Variants in FRMD6 observed in about 807,000 individuals in gnomAD.
The protein encoded by FRMD6 is FERM domain-containing protein 6.
FRMD6 carries 37 observed loss-of-function variants against 73.2 expected under a neutral mutation model. That is an observed-to-expected ratio of 0.51 (90% CI 0.39 to 0.66). The LOEUF (loss-of-function observed/expected upper bound fraction) is 0.66. FRMD6 is among the 30% of genes least tolerant of loss of function. The pLI, the probability that FRMD6 is intolerant of heterozygous loss-of-function variation, is 0.00. For synonymous variants in FRMD6, 273 were observed against 282.2 expected (o/e 0.97, Z 0.33); for missense variants, 714 against 780.5 (o/e 0.91, Z 1.02).
In FRMD6 at chr14:51,715,349, G is replaced by A; in HGVS notation, c.874G>A (p.Asp292Asn). ...GGGTAAGAAATTTGAGATTTTGCCAGATGGCTTGCCTTCTGCCCGGAAGCT... is the reference window on the plus strand; with the variant it reads ...GGGTAAGAAATTTGAGATTTTGCCAAATGGCTTGCCTTCTGCCCGGAAGCT... ...FVGKKFEILP[D>N]GLPSARKLIY... The change falls in exon 10 of 14, where the codon GAT becomes AAT. Residue 292 changes from aspartate to asparagine, a missense_variant. Physicochemically the swap from Asp to Asn is conservative, Grantham distance 23. Transcript: ENST00000344768. 4 of 1,573,700 alleles carry A rather than the reference G, an allele frequency of 2.5e-6. No individual in the cohort carries two copies. Among genetic ancestry groups the A allele is most frequent in the African/African-American group, 1.4e-5 (1 of 73,562 alleles).
chr14:51,546,477 A>G (rs1029552039), intron 1 of FRMD6, among the ~76,000 whole-genome samples: 1 of 146,022 alleles, frequency 6.8e-6, no homozygotes, highest in African/African-American at 2.5e-5. Flanking sequence ...CACACATCTG[A>G]TGCCAGTTTG....
chr14:51,729,606 A>G lies in FRMD6; in HGVS notation c.*1577A>G, dbSNP rs1410707322. The stretch of plus-strand genomic sequence containing the variant: ...CCCAGTTTTATTAAAAAAACTATAT[A>G]TTATTTTCTAAAGAAACAATCATAT... On this transcript the variant is annotated 3_prime_UTR_variant, in exon 14 of 14. Coordinates refer to ENST00000344768, the MANE Select transcript of FRMD6 (RefSeq NM_001267046.2). 1 of 152,620 alleles carries G rather than the reference A, an allele frequency of 6.6e-6. No homozygotes were observed. The highest frequency in any genetic ancestry group is 6.5e-5 in the Admixed American group (1 of 15,278). 9.5% of individuals were successfully genotyped at this position (152,620 alleles called of 1,614,324 possible).
At chr14:51,412,623 G>A in the FRMD6 span, among the ~76,000 whole-genome samples, 24 of 152,116 alleles carry the variant, frequency 1.6e-4, no homozygotes, top group East Asian at 4.5e-3. Flanking sequence ...AGGCCGAGGC[G>A]GGTGGATCAC....
intron 1 of FRMD6, among the ~76,000 whole-genome samples, chr14:51,552,688 G>T (rs1886908113): frequency 1.3e-5 from 2 of 152,210 alleles, no homozygotes; most frequent in Admixed American, 1.3e-4. Context: ...TGAAATTCTT[G>T]ATTCTGAAAT....
At chr14:51,713,469 A>T (rs1897065250) in intron 9 of FRMD6, among the ~76,000 whole-genome samples, 1 of 152,066 alleles carries the variant, frequency 6.6e-6, no homozygotes, top group African/African-American at 2.4e-5. Context: ...AAAAAAAAAA[A>T]AAAAAAAATC....
intron 2 of FRMD6, among the ~76,000 whole-genome samples, chr14:51,575,078 A>C (rs1327980647): frequency 6.6e-6 from 1 of 152,220 alleles, no homozygotes; most frequent in Non-Finnish European, 1.5e-5. Flanking sequence ...CATGGAGCCT[A>C]TTGAAAGACC....
At chr14:51,576,374 T>C (rs936766423) in intron 2 of FRMD6, among the ~76,000 whole-genome samples, 9 of 152,076 alleles carry the variant, frequency 5.9e-5, no homozygotes, top group African/African-American at 1.9e-4. Context: ...CATGACAACA[T>C]AGAGAAAGAA....
the FRMD6 span, among the ~76,000 whole-genome samples, chr14:51,459,884 C>CTTTTTTT: frequency 0.069 from 5,090 of 74,282 alleles, 611 homozygotes; most frequent in Admixed American, 0.13. Flanking sequence ...TACTGACTCT[C>CTTTTTTT]TTTTTTTTTT....
chr14:51,574,796 G>A lies in FRMD6; in HGVS notation c.-147+4386G>A, dbSNP rs116374092. Among the ~76,000 whole-genome samples the A allele has an allele frequency of 5.0e-3, 760 of 152,188 alleles. 3 individuals carry two copies. Among genetic ancestry groups the A allele is most frequent in the African/African-American group, 0.017 (704 of 41,518 alleles). On this transcript the variant is annotated intron_variant, in intron 2 of 14. Coordinates refer to the FRMD6 transcript ENST00000356218. ...CGATTCTGATCAACAGTGATTTATT[G>A]TATACTTTAAAATAACTAAAAGAAT...
chr14:51,414,546 G>A, the FRMD6 span, among the ~76,000 whole-genome samples: 1 of 152,154 alleles, frequency 6.6e-6, no homozygotes, highest in African/African-American at 2.4e-5. Context: ...ACGCTGTTTT[G>A]GTTACTGTAG....
chr14:51,651,448 C>T (rs932480180), upstream of FRMD6: 1 of 152,288 alleles, frequency 6.6e-6, no homozygotes, highest in Non-Finnish European at 1.5e-5. Flanking sequence ...GCCAGCCCGA[C>T]TCGGCTCTGG....
chr14:51,650,918 C>A (rs1340476959), upstream of FRMD6: 1 of 152,308 alleles, frequency 6.6e-6, no homozygotes, highest in Non-Finnish European at 1.5e-5. Context: ...GAGGTTGACG[C>A]CCTGCGGGTC....
intron 8 of FRMD6, among the ~76,000 whole-genome samples, 180 bp from the exon 9 acceptor site, chr14:51,712,303 C>T (rs889661717): frequency 7.2e-5 from 11 of 152,144 alleles, no homozygotes; most frequent in African/African-American, 2.2e-4. Flanking sequence ...ACACAGGAAC[C>T]AAAAGCCACA....
Position 51,696,431 on chromosome 14 carries a change from A to G in FRMD6, c.100-1711A>G, listed in dbSNP as rs141340841. Among the ~76,000 whole-genome samples the G allele has an allele frequency of 5.8e-4, 87 of 151,264 alleles. 2 individuals carry two copies. The East Asian group carries it at 0.014, about 24-fold the overall frequency. On this transcript the variant is annotated intron_variant, in intron 2 of 13. Coordinates refer to ENST00000344768, the MANE Select transcript of FRMD6 (RefSeq NM_001267046.2). ...ATATTATTTGTATGAGTTATTATTT[A>G]TAATAATAATATTGAGAAAGAAAAT...
Position 51,728,308 on chromosome 14 carries a change from A to G in FRMD6, c.*279A>G. ...GCTTTACTGATTGCAAAGCCTTCAG[A>G]ATATTGGAGTGTGGTGTGTTTGCTC... On this transcript the variant is annotated 3_prime_UTR_variant, in exon 14 of 14. Transcript: ENST00000344768. 1 of 355,964 alleles carries G rather than the reference A, an allele frequency of 2.8e-6. No homozygotes were observed. The highest frequency in any genetic ancestry group is 5.1e-6 in the Non-Finnish European group (1 of 194,850). The allele number at this position is 355,964 out of a possible 1,614,324, so 22.1% of individuals were successfully genotyped here. A position where few individuals can be genotyped will look rare whatever the true frequency, so the allele number is the denominator to read the frequency against.
At chr14:51,689,553 A>G (rs901488664) in intron 1 of FRMD6, 138 bp from the exon 2 acceptor site, 7 of 380,278 alleles carry the variant, frequency 1.8e-5, no homozygotes, top group Non-Finnish European at 2.4e-5. Context: ...GTTCCCATGT[A>G]TTAAATAAGG....
At chr14:51,724,346 C>T (rs1897823269) in intron 12 of FRMD6, 1 of 152,118 alleles carries the variant, frequency 6.6e-6, no homozygotes, top group Non-Finnish European at 1.5e-5. Flanking sequence ...AGTGGTGGGT[C>T]TGAGTTTGGA....
At chr14:51,493,034 A>T (rs1226792673) in intron 1 of FRMD6, among the ~76,000 whole-genome samples, 1 of 152,202 alleles carries the variant, frequency 6.6e-6, no homozygotes, top group Non-Finnish European at 1.5e-5. Flanking sequence ...GATTCAGCAG[A>T]TGGGGAAACT....
the FRMD6 span, among the ~76,000 whole-genome samples, chr14:51,439,780 G>C: frequency 5.3e-5 from 8 of 152,140 alleles, no homozygotes; most frequent in Admixed American, 2.0e-4. Context: ...GTCAATTAGG[G>C]TTTGTTGGAA....
Sources: gnomAD v4.1 joint callset for allele counts (sites outside exome capture counted in the v4.1 genomes callset) on GRCh38, gnomAD v4.1.1 for gene constraint, MANE v1.5 for transcripts, NCBI Gene and HGNC (gene_info 2026-07-23, HGNC 2026-07-21) for gene names.